Variants in LEKR1 observed in about 807,000 individuals in gnomAD.
The protein encoded by LEKR1 is leucine, glutamate and lysine rich 1.
LEKR1 carries 59 observed loss-of-function variants against 72.4 expected under a neutral mutation model. The ratio of observed to expected loss-of-function variants is 0.82; its 90% CI spans 0.66 to 1.01. The LOEUF (loss-of-function observed/expected upper bound fraction) is 1.01, where lower values mean the gene tolerates loss of function less well. Among genes scored for constraint, LEKR1 ranks in the 50% least tolerant of loss-of-function variants. The probability of loss-of-function intolerance (pLI) is 0.00; values close to 1 mark genes in which losing one functional copy is unlikely to be tolerated. For synonymous variants in LEKR1, 257 were observed against 263.2 expected, an observed-to-expected ratio of 0.98 and a Z score of 0.23; for missense variants, 728 against 759.2, an observed-to-expected ratio of 0.96 and a Z score of 0.48.
At chr3:156,996,956 T>G (rs1731626657) in intron 9 of LEKR1, among the ~76,000 whole-genome samples, 1 of 151,810 alleles carries the variant, frequency 6.6e-6, no homozygotes. Flanking sequence ...TCCCAGCTAC[T>G]TGGGAGGCTG....
intron 3 of LEKR1, among the ~76,000 whole-genome samples, chr3:156,868,995 G>T (rs1399196898): frequency 6.6e-6 from 1 of 151,940 alleles, no homozygotes; most frequent in Non-Finnish European, 1.5e-5. Flanking sequence ...ATGACCTCCA[G>T]TTCCATCCAT....
At chr3:156,849,890 A>G (rs1715128912) in intron 2 of LEKR1, among the ~76,000 whole-genome samples, 1 of 152,236 alleles carries the variant, frequency 6.6e-6, no homozygotes, top group South Asian at 2.1e-4. Context: ...ATGGCAACAA[A>G]AGACAAAATT....
chr3:156,902,446 G>A (rs1033063530), intron 3 of LEKR1, among the ~76,000 whole-genome samples: 2 of 151,572 alleles, frequency 1.3e-5, no homozygotes, highest in African/African-American at 4.9e-5. Flanking sequence ...AATATGTTAT[G>A]TTTTCTGTAA....
At chr3:156,936,467 C>CACACACACACACACACACACACACA (rs767163001) in intron 5 of LEKR1, among the ~76,000 whole-genome samples, 8 of 70,054 alleles carry the variant, frequency 1.1e-4, no homozygotes, top group African/African-American at 2.5e-4. Flanking sequence ...ACACACACAC[C>CACACACACACACACACACACACACA]CCCCGTATGC....
At chr3:156,938,568 G>A (rs1465954926) in intron 5 of LEKR1, among the ~76,000 whole-genome samples, 1 of 152,108 alleles carries the variant, frequency 6.6e-6, no homozygotes, top group Non-Finnish European at 1.5e-5. Flanking sequence ...GTAGAGACAG[G>A]GTTTTGCCAT....
chr3:156,874,278 G>T (rs1718304205), intron 3 of LEKR1, among the ~76,000 whole-genome samples: 1 of 151,110 alleles, frequency 6.6e-6, no homozygotes, highest in Non-Finnish European at 1.5e-5. Flanking sequence ...TGATTTCTTG[G>T]TATTGTCTTT....
intron 2 of LEKR1, among the ~76,000 whole-genome samples, chr3:156,837,897 G>A (rs1008749572): frequency 5.9e-5 from 9 of 152,118 alleles, no homozygotes; most frequent in African/African-American, 1.9e-4. Flanking sequence ...ATAGCTGTGG[G>A]GGCCATGCTG....
chr3:156,960,355 G>A (rs950075421), intron 6 of LEKR1, among the ~76,000 whole-genome samples: 6 of 152,010 alleles, frequency 3.9e-5, no homozygotes, highest in African/African-American at 1.4e-4. Flanking sequence ...GCGCGATCTC[G>A]GCTCACTGCA....
intron 4 of LEKR1, among the ~76,000 whole-genome samples, chr3:156,922,024 T>A (rs1724244578): frequency 6.6e-6 from 1 of 152,180 alleles, no homozygotes. Flanking sequence ...TTTTTGCTCA[T>A]TTTTAGCTGA....
At chr3:156,832,333 C>T (rs985735984) in intron 2 of LEKR1, among the ~76,000 whole-genome samples, 1 of 152,170 alleles carries the variant, frequency 6.6e-6, no homozygotes, top group Non-Finnish European at 1.5e-5. Flanking sequence ...TTAGCAGAGA[C>T]TCAAACATAG....
chr3:156,909,644 A>G (rs1334037339), intron 3 of LEKR1, among the ~76,000 whole-genome samples: 1 of 123,332 alleles, frequency 8.1e-6, no homozygotes, highest in East Asian at 2.2e-4. Flanking sequence ...CGACAGAGTG[A>G]GAGTCTGTCT....
chr3:156,921,251 C>A (rs550004133), intron 4 of LEKR1, among the ~76,000 whole-genome samples: 1 of 151,996 alleles, frequency 6.6e-6, no homozygotes, highest in Non-Finnish European at 1.5e-5. Context: ...AGAATAGTTC[C>A]TTTTTGAATT....
chr3:157,020,255 T>TTTTTTA (rs1733709230), intron 10 of LEKR1, among the ~76,000 whole-genome samples: 1 of 140,378 alleles, frequency 7.1e-6, no homozygotes, highest in Non-Finnish European at 1.5e-5. Context: ...CTGATTTTCT[T>TTTTTTA]TTATTATTAT....
chr3:156,877,294 T>A (rs773421620), intron 3 of LEKR1, among the ~76,000 whole-genome samples: 13 of 152,134 alleles, frequency 8.5e-5, no homozygotes, highest in Non-Finnish European at 1.5e-4. Flanking sequence ...CTTTTTTTTT[T>A]ATGTCATTCC....
At chr3:156,943,920 A>C (rs1726456011) in intron 6 of LEKR1, among the ~76,000 whole-genome samples, 1 of 151,758 alleles carries the variant, frequency 6.6e-6, no homozygotes. Flanking sequence ...CCTGAGAACT[A>C]CCTACTCATA....
At chr3:156,909,667 A>AAG in intron 3 of LEKR1, among the ~76,000 whole-genome samples, 1 of 143,824 alleles carries the variant, frequency 7.0e-6, no homozygotes, top group Non-Finnish European at 1.5e-5. Flanking sequence ...AAAAAAAAAA[A>AAG]AAAAAGAAAT....
At chr3:157,001,399 A>C (rs1227419587) in intron 9 of LEKR1, among the ~76,000 whole-genome samples, 2 of 152,192 alleles carry the variant, frequency 1.3e-5, no homozygotes, top group Non-Finnish European at 2.9e-5. Context: ...ATGTGAAGAC[A>C]TCTCTAAGAG....
At chr3:156,927,389 A>T (rs1485562201) in intron 4 of LEKR1, 40 bp from the exon 5 acceptor site, 9 of 788,944 alleles carry the variant, frequency 1.1e-5, no homozygotes, top group African/African-American at 2.0e-5. Flanking sequence ...TGTTATGCTT[A>T]CTATTTTTTA....
intron 4 of LEKR1, among the ~76,000 whole-genome samples, chr3:156,922,587 C>T (rs1724311872): frequency 6.6e-6 from 1 of 152,190 alleles, no homozygotes; most frequent in African/African-American, 2.4e-5. Context: ...GGCTTAATCA[C>T]TAGCCTCCAG....
Sources: allele counts gnomAD v4.1 joint callset (sites outside exome capture counted in the v4.1 genomes callset), GRCh38; gene constraint gnomAD v4.1.1; transcripts MANE v1.5; gene names NCBI Gene and HGNC (gene_info 2026-07-23, HGNC 2026-07-21).